The following ZNF728 variants were observed in gnomAD, a reference collection of about 807,000 sequenced individuals.
ZNF728 encodes zinc finger protein 728.
A neutral mutation model predicts 12.5 loss-of-function variants in ZNF728; 12 were observed. The observed-to-expected ratio is 0.96, with a 90% confidence interval of 0.61 to 1.55. The LOEUF (loss-of-function observed/expected upper bound fraction) is 1.55, where lower values mean the gene tolerates loss of function less well. ZNF728 is among the 40% of genes most tolerant of loss of function. ZNF728 has a pLI of 0.00. For synonymous variants in ZNF728, 205 were observed against 240.7 expected (o/e 0.85, Z 1.37); for missense variants, 692 against 719.2 (o/e 0.96, Z 0.43).
At chr19:22,990,132 G>A (rs1257147549) in intron 1 of ZNF728, among the ~76,000 whole-genome samples, 1 of 152,008 alleles carries the variant, frequency 6.6e-6, no homozygotes, top group Non-Finnish European at 1.5e-5. Flanking sequence ...ATTTTTTAAA[G>A]TAGTTAAGAC....
At position 22,975,388 on chromosome 19, in the gene ZNF728, A is replaced by G. The variant is rs1968781548; in HGVS notation, c.*80T>C. ...TTAAAAAATTTGCCACATTCTTCACATTTGTAGGGTTTCCCTCCTGTATAA... is the reference window on the plus strand; with the variant it reads ...TTAAAAAATTTGCCACATTCTTCACGTTTGTAGGGTTTCCCTCCTGTATAA... On this transcript the variant is annotated 3_prime_UTR_variant, in exon 4 of 4. Coordinates refer to ENST00000594710, the MANE Select transcript of ZNF728 (RefSeq NM_001267716.2). 2.9e-6 allele frequency: 4 copies of G among 1,381,992 alleles called. No individual in the cohort carries two copies. Among genetic ancestry groups the G allele is most frequent in the Admixed American group, 2.4e-5 (1 of 42,036 alleles). The allele number at this position is 1,381,992 out of a possible 1,614,324, so 85.6% of individuals were successfully genotyped here.
chr19:22,998,161 A>T (rs1969068947), intron 1 of ZNF728, among the ~76,000 whole-genome samples: 1 of 151,596 alleles, frequency 6.6e-6, no homozygotes, highest in Non-Finnish European at 1.5e-5. Flanking sequence ...CATTCATTGC[A>T]GCACTATTCA....
At chr19:22,979,773 T>A (rs564633101) in intron 3 of ZNF728, among the ~76,000 whole-genome samples, 1 of 152,222 alleles carries the variant, frequency 6.6e-6, no homozygotes, top group South Asian at 2.1e-4. Flanking sequence ...GCTTCATAAG[T>A]GAAGGAGAAA....
chr19:22,980,298 T>C (rs550764276), intron 3 of ZNF728, among the ~76,000 whole-genome samples: 2 of 150,550 alleles, frequency 1.3e-5, no homozygotes, highest in East Asian at 3.9e-4. Flanking sequence ...CATTACATAA[T>C]GGTAAAGGGG....
chr19:22,998,785 T>C (rs1969076665), intron 1 of ZNF728, among the ~76,000 whole-genome samples: 2 of 152,246 alleles, frequency 1.3e-5, no homozygotes, highest in Non-Finnish European at 2.9e-5. Flanking sequence ...TAAAATTCTC[T>C]ATCCTCTGTG....
At chr19:22,992,814 C>A (rs1330144224) in intron 1 of ZNF728, among the ~76,000 whole-genome samples, 2 of 152,142 alleles carry the variant, frequency 1.3e-5, no homozygotes, top group African/African-American at 4.8e-5. Flanking sequence ...TGGACATTCT[C>A]AAATGTCTCA....
rs1288264464 is a variant in ZNF728 at position 23,000,265 on chromosome 19, C to T, written c.3+2763G>A. On this transcript the variant is annotated intron_variant, in intron 1 of 3. Coordinates refer to ENST00000594710, the MANE Select transcript of ZNF728 (RefSeq NM_001267716.2). ...TGGTGGCGGGCGCCTGTAGTCCCAG[C>T]TACTCGGGAGACTGAAGCAGGAGAA... 1.5e-4 allele frequency among the ~76,000 whole-genome samples: 23 copies of T among 151,946 alleles called. No individual in the cohort carries two copies. In the East Asian group the frequency reaches 4.5e-3, roughly 30 times the overall value.
rs572758617 is a variant in ZNF728 at position 22,988,786 on chromosome 19, T to C, written c.4-335A>G. ...TTAATTGTGTGCCAGGCGTGGTGGC[T>C]CATGCCTGTAATCCCAGCACTTTGG... is the stretch of plus-strand genomic sequence containing the variant. On this transcript the variant is annotated intron_variant, in intron 1 of 3. Transcript: ENST00000594710. 5.4e-3 allele frequency among the ~76,000 whole-genome samples: 819 copies of C among 152,276 alleles called. 7 individuals carry two copies. Among genetic ancestry groups the C allele is most frequent in the African/African-American group, 0.018 (768 of 41,564 alleles).
intron 1 of ZNF728, among the ~76,000 whole-genome samples, chr19:22,991,862 T>G (rs984549839): frequency 6.6e-6 from 1 of 152,218 alleles, no homozygotes; most frequent in East Asian, 1.9e-4. Flanking sequence ...GTCAGTTCTT[T>G]TTGTTAAAGC....
intron 3 of ZNF728, among the ~76,000 whole-genome samples, chr19:22,980,524 A>C (rs1250182766): frequency 6.6e-6 from 1 of 152,180 alleles, no homozygotes; most frequent in East Asian, 1.9e-4. Flanking sequence ...CTCTGGACCA[A>C]GCAGACCTAA....
chr19:22,995,556 G>A (rs1969040476), intron 1 of ZNF728: 1 of 152,102 alleles, frequency 6.6e-6, no homozygotes. Flanking sequence ...TCCTGTCTGA[G>A]CCTCACAAAT....
At chr19:22,998,044 C>T (rs1322757836) in intron 1 of ZNF728, among the ~76,000 whole-genome samples, 1 of 152,078 alleles carries the variant, frequency 6.6e-6, no homozygotes, top group African/African-American at 2.4e-5. Flanking sequence ...TGTGTTGATT[C>T]CTCACTAAAC....
Position 22,996,530 on chromosome 19 carries a change from G to A in ZNF728, c.3+6498C>T, listed in dbSNP as rs62124388. The stretch of plus-strand genomic sequence containing the variant: ...TATTCTGCATTGCTAAATTTATTCC[G>A]ATCTTTGTGCTCAACTTTTTTATGC... On this transcript the variant is annotated intron_variant, in intron 1 of 3. Coordinates refer to ENST00000594710, the MANE Select transcript of ZNF728 (RefSeq NM_001267716.2). Among the ~76,000 whole-genome samples, 1,243 of 152,150 alleles carry A rather than the reference G, an allele frequency of 8.2e-3. 9 individuals carry two copies. The highest frequency in any genetic ancestry group is 0.013 in the Non-Finnish European group (901 of 67,986).
At chr19:22,987,586 C>A (rs1186247590) in intron 2 of ZNF728, among the ~76,000 whole-genome samples, 183 bp from the exon 3 acceptor site, 1 of 152,110 alleles carries the variant, frequency 6.6e-6, no homozygotes, top group African/African-American at 2.4e-5. Context: ...TTAATTTTAT[C>A]ACCTGGTACT....
At chr19:22,984,736 T>A (rs953514527) in intron 3 of ZNF728, among the ~76,000 whole-genome samples, 1 of 152,014 alleles carries the variant, frequency 6.6e-6, no homozygotes, top group African/African-American at 2.4e-5. Context: ...TAATGAAATG[T>A]TTTTCAAATT....
intron 1 of ZNF728, among the ~76,000 whole-genome samples, chr19:22,992,422 T>C (rs1968999408): frequency 6.6e-6 from 1 of 152,106 alleles, no homozygotes; most frequent in African/African-American, 2.4e-5. Flanking sequence ...TTTGTATTTT[T>C]AGTAGAGACG....
intron 1 of ZNF728, among the ~76,000 whole-genome samples, chr19:23,002,751 A>G (rs1246557961): frequency 6.6e-6 from 1 of 152,118 alleles, no homozygotes; most frequent in Non-Finnish European, 1.5e-5. Flanking sequence ...TGCACATCTG[A>G]GAGAGACTCC....
Position 22,976,539 on chromosome 19 carries a change from G to C in ZNF728, c.798C>G (p.Thr266=). Residue 266 remains threonine, a synonymous_variant, in exon 4 of 4, where the codon ACC becomes ACG. Coordinates refer to ENST00000594710, the MANE Select transcript of ZNF728 (RefSeq NM_001267716.2). ...YKCEECGKAF[T]RSSSLIEHKR... is the part of the protein sequence containing the mutation. ...TATGTTCAATAAGGCTTGAGGACCG[G>C]GTGAAGGCTTTGCCACATTCTTCAC... 4 of 1,610,130 alleles carry C rather than the reference G, an allele frequency of 2.5e-6. No homozygotes were observed. The highest frequency in any genetic ancestry group is 3.4e-6 in the Non-Finnish European group (4 of 1,179,304).
Position 22,976,987 on chromosome 19 carries a change from C to A in ZNF728, c.350G>T (p.Cys117Phe). ...GHENLQLKIG[C>F]TNVDECKVHK... Reference sequence around the variant, plus strand: ...CACCTTACACTCATCCACATTGGTACAACCAATTTTTAACTGTAAATTCTC... The same window carrying A: ...CACCTTACACTCATCCACATTGGTAAAACCAATTTTTAACTGTAAATTCTC... The change falls in exon 4 of 4, where the codon TGT (cysteine) becomes TTT (phenylalanine). Residue 117 changes from cysteine (C) to phenylalanine (F), a missense_variant. Coordinates refer to ENST00000594710, the MANE Select transcript of ZNF728 (RefSeq NM_001267716.2). 6.2e-7 allele frequency: 1 copy of A among 1,613,434 alleles called. No homozygotes were observed. Among genetic ancestry groups the A allele is most frequent in the Non-Finnish European group, 8.5e-7 (1 of 1,179,752 alleles).
Sources: allele counts gnomAD v4.1 joint callset (sites outside exome capture counted in the v4.1 genomes callset), GRCh38; gene constraint gnomAD v4.1.1; transcripts MANE v1.5; gene names NCBI Gene and HGNC (gene_info 2026-07-23, HGNC 2026-07-21).